LY6K: variants seen among roughly 807,000 people sequenced by gnomAD.
LY6K encodes the protein lymphocyte antigen 6 family member K, also known as lymphocyte antigen 6K.
LY6K carries 9 observed loss-of-function variants against 10.4 expected under a neutral mutation model. The ratio of observed to expected loss-of-function variants is 0.87; its 90% CI spans 0.52 to 1.52. LY6K has a LOEUF of 1.52. Among genes scored for constraint, LY6K ranks in the 40% most tolerant of loss-of-function variants. The pLI, the probability that LY6K is intolerant of heterozygous loss-of-function variation, is 0.00. For synonymous variants in LY6K, 98 were observed against 83.7 expected (o/e 1.17, Z -0.94); for missense variants, 217 against 211.7 (o/e 1.02, Z -0.15).
At chr8:142,702,606 G>A in intron 2 of LY6K, 3 of 1,535,416 alleles carry the variant, frequency 2.0e-6, no homozygotes, top group South Asian at 2.4e-5. Flanking sequence ...CAGACTCAGT[G>A]TGGCCCACAT....
intron 1 of LY6K, 121 bp downstream of exon 1, chr8:142,700,751 T>C: frequency 5.5e-6 from 6 of 1,082,858 alleles, no homozygotes; most frequent in Non-Finnish European, 7.3e-6. Context: ...AGGCGGCCCG[T>C]GGCGCCTGGA....
At chr8:142,701,549 T>C in intron 1 of LY6K, 51 bp from the exon 2 acceptor site, 1 of 1,227,144 alleles carries the variant, frequency 8.1e-7, no homozygotes, top group Non-Finnish European at 1.2e-6. Context: ...GTTCATCAGA[T>C]AGGCACGGAG....
intron 1 of LY6K, 58 bp from the exon 2 acceptor site, chr8:142,701,542 C>A: frequency 2.6e-6 from 3 of 1,168,080 alleles, no homozygotes; most frequent in South Asian, 1.3e-5. Flanking sequence ...CGGCTGTGTT[C>A]ATCAGATAGG....
rs782301377 is a variant in LY6K, at chr8:142,703,129, T to A, written c.256T>A (p.Ser86Thr). Residue 86 changes from serine (S) to threonine (T), a missense_variant, in exon 3 of 3, where the codon TCC becomes ACC. Transcript: ENST00000292430. ...PRFFMVAKQCSAGCAAMERPK... is the reference protein window; with the variant it reads ...PRFFMVAKQCTAGCAAMERPK... Reference sequence around the variant, plus strand: ...TTTTTTCATGGTTGCGAAGCAGTGCTCCGCTGGTTGTGCAGCGATGGAGAG... The same window carrying A: ...TTTTTTCATGGTTGCGAAGCAGTGCACCGCTGGTTGTGCAGCGATGGAGAG... 3 of 1,614,264 alleles carry A rather than the reference T, an allele frequency of 1.9e-6. No individual in the cohort carries two copies. The East Asian group carries it at 6.7e-5, about 36-fold the overall frequency.
At chr8:142,700,738 T>C in intron 1 of LY6K, 108 bp downstream of exon 1, 1 of 1,187,042 alleles carries the variant, frequency 8.4e-7, no homozygotes, top group Non-Finnish European at 1.1e-6. Context: ...GAACGGAGCG[T>C]TCAGGCGGCC....
At chr8:142,702,640 A>C in intron 2 of LY6K, 1 of 1,532,482 alleles carries the variant, frequency 6.5e-7, no homozygotes, top group Non-Finnish European at 8.7e-7. Context: ...TAATATGGCA[A>C]AATGATTTGT....
intron 2 of LY6K, chr8:142,702,697 C>T: frequency 6.6e-7 from 1 of 1,506,174 alleles, no homozygotes; most frequent in African/African-American, 1.4e-5. Flanking sequence ...AGACCCCCAG[C>T]TCAGAGTCGA....
In LY6K at chr8:142,704,849, G is replaced by A. The variant is rs997717496; in HGVS notation, c.*1478G>A. 1 of 152,142 alleles carries A rather than the reference G, an allele frequency of 6.6e-6. No homozygotes were observed. Among genetic ancestry groups the A allele is most frequent in the Non-Finnish European group, 1.5e-5 (1 of 68,038 alleles). The allele number at this position is 152,142 out of a possible 1,614,324, so 9.4% of individuals were successfully genotyped here. ...CACTTGTTTAAAATGGCCATAGAAC[G>A]CTTTTCTCTTATCTGCAGCTGAGCT... On this transcript the variant is annotated 3_prime_UTR_variant, in exon 3 of 3. Transcript: ENST00000292430.
At position 142,704,846 on chromosome 8, in the gene LY6K, A is replaced by C. The variant is rs1377324951; in HGVS notation, c.*1475A>C. 1 of 152,192 alleles carries C rather than the reference A, an allele frequency of 6.6e-6. No individual in the cohort carries two copies. The highest frequency in any genetic ancestry group is 1.5e-5 in the Non-Finnish European group (1 of 68,046). 9.4% of individuals were successfully genotyped at this position (152,192 alleles called of 1,614,324 possible). A position where few individuals can be genotyped will look rare whatever the true frequency, so the allele number is the denominator to read the frequency against. On this transcript the variant is annotated 3_prime_UTR_variant, in exon 3 of 3. Coordinates refer to ENST00000292430, the MANE Select transcript of LY6K (RefSeq NM_017527.4). ...TTCCACTTGTTTAAAATGGCCATAG[A>C]ACGCTTTTCTCTTATCTGCAGCTGA...
chr8:142,701,767 C>T (rs781864197), intron 2 of LY6K, 54 bp downstream of exon 2: 4 of 1,137,674 alleles, frequency 3.5e-6, no homozygotes, highest in East Asian at 2.4e-5. Context: ...AGAGGGCTTT[C>T]AGGAATCAGG....
In LY6K at chr8:142,703,378, G is replaced by A. The variant is rs782670101; in HGVS notation, c.*7G>A. The A allele has an allele frequency of 6.2e-7, 1 of 1,606,246 alleles. No individual in the cohort carries two copies. Among genetic ancestry groups the A allele is most frequent in the Non-Finnish European group, 8.5e-7 (1 of 1,176,826 alleles). ...CGGCCTCAGCCTGTCTTGAGCCACG[G>A]GACTGCCACAGACTGAGCCTTCCGG... On this transcript the variant is annotated 3_prime_UTR_variant, in exon 3 of 3. Coordinates refer to ENST00000292430, the MANE Select transcript of LY6K (RefSeq NM_017527.4).
chr8:142,701,522 GGT>G lies in LY6K; in HGVS notation c.104-77_104-76del. 3.2e-6 allele frequency: 3 copies of G among 951,892 alleles called. No individual in the cohort carries two copies. In the South Asian group the frequency reaches 4.3e-5, roughly 14 times the overall value. 59.0% of individuals were successfully genotyped at this position (951,892 alleles called of 1,614,324 possible). ...GATGGGGACCCGCCGAGTTTGTGCT[GGT>G]CGGATGCCGGCTGTGTTCATCAGAT... is the stretch of plus-strand genomic sequence containing the variant. On this transcript the variant is annotated intron_variant, in intron 1 of 2. Transcript: ENST00000292430.
rs868971164 is a variant in LY6K, at chr8:142,704,897, C to T, written c.*1526C>T. ...GCTGGGAGAAAGTTTTGGCACCCAC[C>T]GAGTGGACAGTTTACTCAACTTTAA... On this transcript the variant is annotated 3_prime_UTR_variant, in exon 3 of 3. Transcript: ENST00000292430. 6.6e-6 allele frequency: 1 copy of T among 152,166 alleles called. No homozygotes were observed. Among genetic ancestry groups the T allele is most frequent in the South Asian group, 2.1e-4 (1 of 4,816 alleles). 9.4% of individuals were successfully genotyped at this position (152,166 alleles called of 1,614,324 possible).
At position 142,700,562 on chromosome 8, in the gene LY6K, T is replaced by A; in HGVS notation, c.35T>A (p.Leu12Gln). 6.3e-7 allele frequency: 1 copy of A among 1,588,140 alleles called. No individual in the cohort carries two copies. The highest frequency in any genetic ancestry group is 8.6e-7 in the Non-Finnish European group (1 of 1,169,322). Residue 12 changes from leucine to glutamine, a missense_variant, in exon 1 of 3, where the codon CTA becomes CAA. Coordinates refer to ENST00000292430, the MANE Select transcript of LY6K (RefSeq NM_017527.4). ...CTCGCCTTGCTGCTGGTCGTGGCCC[T>A]ACCGCGGGTGTGGACAGACGCCAAC... ...ALLALLLVVA[L>Q]PRVWTDANLT...
chr8:142,700,950 G>T (rs1011182255), intron 1 of LY6K, among the ~76,000 whole-genome samples: 1 of 151,994 alleles, frequency 6.6e-6, no homozygotes, highest in African/African-American at 2.4e-5. Flanking sequence ...GAGGAGGGCC[G>T]GCTCCTCCTG....
In LY6K at chr8:142,700,424, C is replaced by A. The variant is rs1037381954; in HGVS notation, c.-104C>A. ...GCGCCCCGGGGCGGGCGGGGCTCCC[C>A]CTACCGGCCAGACCCGGGGAGAGGC... On this transcript the variant is annotated 5_prime_UTR_variant, in exon 1 of 3. Transcript: ENST00000292430. 7.2e-7 allele frequency: 1 copy of A among 1,382,714 alleles called. No individual in the cohort carries two copies. Among genetic ancestry groups the A allele is most frequent in the Non-Finnish European group, 9.3e-7 (1 of 1,069,826 alleles). The allele number at this position is 1,382,714 out of a possible 1,614,324, so 85.7% of individuals were successfully genotyped here.
At chr8:142,701,254 CAG>C (rs1815019970) in intron 1 of LY6K, among the ~76,000 whole-genome samples, 1 of 152,200 alleles carries the variant, frequency 6.6e-6, no homozygotes, top group Admixed American at 6.5e-5. Flanking sequence ...AAAAATCACT[CAG>C]AATGTAAAGA....
intron 2 of LY6K, 110 bp from the exon 3 acceptor site, chr8:142,702,981 C>T (rs782297263): frequency 6.4e-7 from 1 of 1,557,640 alleles, no homozygotes; most frequent in South Asian, 1.2e-5. Context: ...GTTGACTGTG[C>T]ACCTTTGAGC....
rs782616918 is a variant in LY6K, at chr8:142,700,603, C to T, written c.76C>T (p.Arg26Ter). The change falls in exon 1 of 3, where the codon CGA becomes TGA. Residue 26 changes from arginine to a stop codon, truncating the protein, a stop_gained. Transcript: ENST00000292430. LOFTEE classifies it high-confidence loss of function. ...AGACGCCAACCTGACTGCGAGACAA[C>T]GAGATCCAGAGGACTCCCAGCGAAC... ...WTDANLTARQ[R>*]DPEDSQRTDE... 2.5e-6 allele frequency: 4 copies of T among 1,572,426 alleles called. No homozygotes were observed. The East Asian group carries it at 1.0e-4, about 39-fold the overall frequency.
Sources: allele counts gnomAD v4.1 joint callset (sites outside exome capture counted in the v4.1 genomes callset), GRCh38; gene constraint gnomAD v4.1.1; transcripts MANE v1.5; gene names NCBI Gene and HGNC (gene_info 2026-07-23, HGNC 2026-07-21).